Variants in AIM2 observed in about 807,000 individuals in gnomAD.
AIM2 encodes the protein interferon-inducible protein AIM2.
A neutral mutation model predicts 27.7 loss-of-function variants in AIM2; 30 were observed. The ratio of observed to expected loss-of-function variants is 1.08; its 90% confidence interval spans 0.81 to 1.47. The LOEUF is 1.47. Ranked by LOEUF, AIM2 falls within the 40% of genes most tolerant of loss-of-function variation. The probability of loss-of-function intolerance (pLI) is 0.00; values close to 1 mark genes in which losing one functional copy is unlikely to be tolerated. For missense variants in AIM2, 358 were observed against 411.3 expected, an observed-to-expected ratio of 0.87 and a Z score of 1.12; for synonymous variants, 141 against 145.3, an observed-to-expected ratio of 0.97 and a Z score of 0.21.
the AIM2 span, among the ~76,000 whole-genome samples, chr1:159,056,010 GTGGAAGCTGTGAGGAA>G: frequency 6.6e-6 from 1 of 152,166 alleles, no homozygotes. Context: ...TGGGGATGTG[GTGGAAGCTGTGAGGAA>G]TGGAATGGGG....
At chr1:159,135,864 G>C (rs561415302) in intron 1 of AIM2, among the ~76,000 whole-genome samples, 18 of 152,104 alleles carry the variant, frequency 1.2e-4, no homozygotes, top group Non-Finnish European at 2.9e-5. Flanking sequence ...CCAAGCCCTC[G>C]TCTCCTGTCT....
At chr1:159,116,835 A>T (rs533548324) in intron 1 of AIM2, among the ~76,000 whole-genome samples, 20 of 142,318 alleles carry the variant, frequency 1.4e-4, no homozygotes, top group Non-Finnish European at 2.6e-4. Context: ...AAGTATAATT[A>T]AAAAAAAAAA....
At chr1:159,074,111 C>T (rs1457156390) in intron 1 of AIM2, among the ~76,000 whole-genome samples, 2 of 152,116 alleles carry the variant, frequency 1.3e-5, no homozygotes, top group Admixed American at 1.3e-4. Flanking sequence ...ATAGATTTAT[C>T]GAGGCATAAC....
chr1:159,122,863 C>A (rs1453898945), intron 1 of AIM2, among the ~76,000 whole-genome samples: 1 of 152,208 alleles, frequency 6.6e-6, no homozygotes, highest in Non-Finnish European at 1.5e-5. Context: ...TCGCTTCATA[C>A]ATTGCTAGGT....
chr1:159,078,071 CT>C (rs1656676349), upstream of AIM2, among the ~76,000 whole-genome samples: 1 of 152,230 alleles, frequency 6.6e-6, no homozygotes, highest in Non-Finnish European at 1.5e-5. Flanking sequence ...TCACTTTCTA[CT>C]GCAAGGCTTG....
chr1:159,143,960 A>G (rs1648160108), upstream of AIM2, among the ~76,000 whole-genome samples: 1 of 152,220 alleles, frequency 6.6e-6, no homozygotes, highest in African/African-American at 2.4e-5. Context: ...ACAATTTGCA[A>G]GTCCACACAA....
At chr1:159,080,166 A>C (rs1369601457), upstream of AIM2, among the ~76,000 whole-genome samples, 1 of 152,188 alleles carries the variant, frequency 6.6e-6, no homozygotes, top group Non-Finnish European at 1.5e-5. Flanking sequence ...TTTTATGTGG[A>C]CTTAATTTTT....
chr1:159,143,947 A>C (rs1032895965), upstream of AIM2, among the ~76,000 whole-genome samples: 1 of 152,204 alleles, frequency 6.6e-6, no homozygotes, highest in African/African-American at 2.4e-5. Context: ...ACCAAATAAA[A>C]TAACAATTTG....
chr1:159,116,980 GA>G (rs530913970), intron 1 of AIM2, among the ~76,000 whole-genome samples: 52 of 151,320 alleles, frequency 3.4e-4, no homozygotes, highest in Admixed American at 1.1e-3. Context: ...TGTGAGTACA[GA>G]AAAAAAAATT....
At chr1:159,123,399 A>G (rs1647594586) in intron 1 of AIM2, 3 of 152,186 alleles carry the variant, frequency 2.0e-5, no homozygotes, top group South Asian at 4.1e-4. Flanking sequence ...GTGATATCCA[A>G]TATTTCTAAG....
rs542091862 is a variant in AIM2, at chr1:159,102,046, G to A, written c.-15-35717C>T. 4.6e-5 allele frequency among the ~76,000 whole-genome samples: 7 copies of A among 152,326 alleles called. No individual in the cohort carries two copies. In the South Asian group the frequency reaches 1.4e-3, roughly 32 times the overall value. On this transcript the variant is annotated intron_variant, in intron 1 of 2. Coordinates refer to the AIM2 transcript ENST00000368129. ...CTACACAGCAGCCCCTCCCATCACA[G>A]CCTCAGTGGCCTAGGAGGGAAAAAT...
upstream of AIM2, among the ~76,000 whole-genome samples, chr1:159,144,132 T>C (rs1178002034): frequency 6.6e-6 from 1 of 152,212 alleles, no homozygotes; most frequent in African/African-American, 2.4e-5. Context: ...TGAGATTTCA[T>C]GAGGCAGAGT....
At position 159,073,466 on chromosome 1, in the gene AIM2, T is replaced by C; in HGVS notation, c.34A>G (p.Thr12Ala). Reference sequence around the variant, plus strand: ...TCATCAGTGATGTTATCCAGGCCTGTTAGCAAGAGTATCTCCTTGTATTTA... The same window carrying C: ...TCATCAGTGATGTTATCCAGGCCTGCTAGCAAGAGTATCTCCTTGTATTTA... ...ESKYKEILLL[T>A]GLDNITDEEL... Residue 12 changes from threonine to alanine, a missense_variant, in exon 2 of 6, where the codon ACA becomes GCA. Coordinates refer to ENST00000368130, the MANE Select transcript of AIM2 (RefSeq NM_004833.3). 1 of 1,614,114 alleles carries C rather than the reference T, an allele frequency of 6.2e-7. No individual in the cohort carries two copies. The highest frequency in any genetic ancestry group is 1.1e-5 in the South Asian group (1 of 91,074).
At chr1:159,076,273 G>GT (rs1462043210) in intron 1 of AIM2, among the ~76,000 whole-genome samples, 3 of 152,106 alleles carry the variant, frequency 2.0e-5, no homozygotes, top group Non-Finnish European at 4.4e-5. Context: ...GATTGACTCA[G>GT]TTTTTTCTCT....
chr1:159,058,152 G>C (rs1438710707), downstream of AIM2, among the ~76,000 whole-genome samples: 1 of 152,102 alleles, frequency 6.6e-6, no homozygotes, highest in Non-Finnish European at 1.5e-5. Flanking sequence ...TCAGGAGTTC[G>C]AGACCAGCCT....
intron 1 of AIM2, among the ~76,000 whole-genome samples, chr1:159,096,782 A>G (rs1657189395): frequency 6.6e-6 from 1 of 152,264 alleles, no homozygotes; most frequent in South Asian, 2.1e-4. Flanking sequence ...GAGCACAGGT[A>G]TGACATGGGC....
At chr1:159,115,191 A>G (rs2102033305) in intron 1 of AIM2, among the ~76,000 whole-genome samples, 1 of 152,290 alleles carries the variant, frequency 6.6e-6, no homozygotes, top group African/African-American at 2.4e-5. Context: ...AGAGGATACA[A>G]ACAAATGGAA....
intron 2 of AIM2, among the ~76,000 whole-genome samples, chr1:159,068,905 A>C (rs1656236438): frequency 6.6e-6 from 1 of 152,172 alleles, no homozygotes; most frequent in Admixed American, 6.5e-5. Context: ...TTGGGAGGCC[A>C]AGGCTGGAGG....
rs201809964 is a variant in AIM2 at position 159,075,572 on chromosome 1, C to T, written c.-21+1061G>A. Among the ~76,000 whole-genome samples, 481 of 142,684 alleles carry T rather than the reference C, an allele frequency of 3.4e-3. 6 individuals are homozygous for T. In the South Asian group the frequency reaches 0.037, roughly 11 times the overall value. 93.6% of individuals were successfully genotyped at this position (142,684 alleles called of 152,430 possible). A position where few individuals can be genotyped will look rare whatever the true frequency, so the allele number is the denominator to read the frequency against. On this transcript the variant is annotated intron_variant, in intron 1 of 5. Transcript: ENST00000368130. ...ACACACACACACACACACACACACA[C>T]ACATATATATATGGCTATACCTGCT...
Sources: allele counts gnomAD v4.1 joint callset (sites outside exome capture counted in the v4.1 genomes callset), GRCh38; gene constraint gnomAD v4.1.1; transcripts MANE v1.5; gene names NCBI Gene and HGNC (gene_info 2026-07-23, HGNC 2026-07-21).